TVP23B: variants seen among roughly 807,000 people sequenced by gnomAD.
The protein encoded by TVP23B is Golgi apparatus membrane protein TVP23 homolog B.
TVP23B carries 10 observed loss-of-function variants against 30.6 expected under a neutral mutation model. The ratio of observed to expected loss-of-function variants is 0.33; its 90% CI spans 0.20 to 0.55. TVP23B has a LOEUF of 0.55. TVP23B is among the 20% of genes least tolerant of loss of function. TVP23B has a pLI of 0.91. For synonymous variants in TVP23B, 67 were observed against 83.1 expected, an observed-to-expected ratio of 0.81 and a Z score of 1.06; for missense variants, 153 against 243.2, an observed-to-expected ratio of 0.63 and a Z score of 2.47.
chr17:18,786,957 G>T (rs2035917063), intron 1 of TVP23B, among the ~76,000 whole-genome samples: 1 of 149,388 alleles, frequency 6.7e-6, no homozygotes, highest in African/African-American at 2.5e-5. Flanking sequence ...TTCCTTCCCT[G>T]GCTCCCATTT....
Position 18,791,019 on chromosome 17 carries a change from G to T in TVP23B, c.219G>T (p.Ser73=), listed in dbSNP as rs753835939. ...TGGTGACAATTATCTTGTTGTTGTC[G>T]TGTGACTTTTGGGCAGTGAAGGTAA... ...TCMVTIILLL[S]CDFWAVKNVT... Residue 73 remains serine (S), a synonymous_variant, in exon 3 of 7, where the codon TCG becomes TCT. Coordinates refer to ENST00000307767, the MANE Select transcript of TVP23B (RefSeq NM_016078.6). 2.3e-5 allele frequency: 36 copies of T among 1,598,184 alleles called. No homozygotes were observed. The highest frequency in any genetic ancestry group is 3.0e-5 in the Non-Finnish European group (35 of 1,175,916).
intron 3 of TVP23B, among the ~76,000 whole-genome samples, chr17:18,793,408 C>T (rs2036026633): frequency 6.9e-6 from 1 of 145,232 alleles, no homozygotes; most frequent in African/African-American, 2.6e-5. Flanking sequence ...GAGATCGAGA[C>T]CATCCTGGCT....
At chr17:18,788,116 C>A (rs1434384843) in intron 1 of TVP23B, among the ~76,000 whole-genome samples, 3 of 150,904 alleles carry the variant, frequency 2.0e-5, no homozygotes. Context: ...GCGGCTGGAT[C>A]ACAAGGTCAT....
intron 1 of TVP23B, among the ~76,000 whole-genome samples, chr17:18,783,573 GCTT>G (rs1423583838): frequency 6.6e-6 from 1 of 152,122 alleles, no homozygotes; most frequent in Non-Finnish European, 1.5e-5. Flanking sequence ...TGGTAACGTT[GCTT>G]CTTGTTTCAC....
intron 3 of TVP23B, among the ~76,000 whole-genome samples, chr17:18,792,874 TG>T (rs1411650026): frequency 1.3e-5 from 2 of 152,152 alleles, no homozygotes; most frequent in Non-Finnish European, 2.9e-5. Flanking sequence ...AAAATAGAGA[TG>T]TGTCGTAATT....
chr17:18,803,402 C>T (rs1053364195), intron 5 of TVP23B, among the ~76,000 whole-genome samples: 1 of 152,130 alleles, frequency 6.6e-6, no homozygotes, highest in Non-Finnish European at 1.5e-5. Flanking sequence ...TTTGCTGATC[C>T]CTGTATTAGA....
intron 1 of TVP23B, among the ~76,000 whole-genome samples, chr17:18,785,410 G>A (rs1399627371): frequency 2.3e-4 from 29 of 125,070 alleles, no homozygotes; most frequent in African/African-American, 8.3e-4. Context: ...TTTTAAATCT[G>A]TACCACTTAC....
rs1597626280 is a variant in TVP23B, at chr17:18,805,739, T to C, written c.*172T>C. 1 of 1,438,512 alleles carries C rather than the reference T, an allele frequency of 7.0e-7. No individual in the cohort carries two copies. Among genetic ancestry groups the C allele is most frequent in the Non-Finnish European group, 9.1e-7 (1 of 1,097,302 alleles). 89.1% of individuals were successfully genotyped at this position (1,438,512 alleles called of 1,614,324 possible). ...TTTTCATATTAAGTTTTTATTTCCT[T>C]TCCAGCAGTTGGGGCTAGAAAGTAT... On this transcript the variant is annotated 3_prime_UTR_variant, in exon 7 of 7. Transcript: ENST00000307767.
chr17:18,805,233 C>T (rs535809843), intron 6 of TVP23B, among the ~76,000 whole-genome samples: 12 of 151,742 alleles, frequency 7.9e-5, no homozygotes, highest in South Asian at 4.2e-4. Flanking sequence ...GGACTACAGG[C>T]GCCGCCACCA....
chr17:18,790,883 T>A lies in TVP23B; in HGVS notation c.96-13T>A, dbSNP rs1264444821. 1 of 1,603,148 alleles carries A rather than the reference T, an allele frequency of 6.2e-7. No individual in the cohort carries two copies. Among genetic ancestry groups the A allele is most frequent in the Non-Finnish European group, 8.5e-7 (1 of 1,177,122 alleles). On this transcript the variant is annotated splice_polypyrimidine_tract_variant and intron_variant, in intron 2 of 6. Coordinates refer to ENST00000307767, the MANE Select transcript of TVP23B (RefSeq NM_016078.6). ...ATGTAATTGCATTTCTTTCATTGTG[T>A]TTTGGTTTTCAGACATCCAGTAGCA... is the stretch of plus-strand genomic sequence containing the variant.
At position 18,802,091 on chromosome 17, in the gene TVP23B, A is replaced by G. The variant is rs577066688; in HGVS notation, c.463-2047A>G. On this transcript the variant is annotated intron_variant, in intron 5 of 6. Transcript: ENST00000307767. ...CAAAAAATTAGCCGGGTGTGGTGGC[A>G]GGCACCTGTAGTCCCAGTTACTCGG... Among the ~76,000 whole-genome samples, 219 of 152,166 alleles carry G rather than the reference A, an allele frequency of 1.4e-3. 1 individual carries two copies. Among genetic ancestry groups the G allele is most frequent in the East Asian group, 6.0e-3 (31 of 5,160 alleles).
At chr17:18,801,856 A>G (rs952280425) in intron 5 of TVP23B, among the ~76,000 whole-genome samples, 2 of 152,186 alleles carry the variant, frequency 1.3e-5, no homozygotes, top group African/African-American at 4.8e-5. Flanking sequence ...TTTATATCCT[A>G]CTGCTCAAGG....
At chr17:18,784,929 T>C (rs1191191392) in intron 1 of TVP23B, among the ~76,000 whole-genome samples, 1 of 152,236 alleles carries the variant, frequency 6.6e-6, no homozygotes, top group African/African-American at 2.4e-5. Context: ...GAATCTTCCT[T>C]GATTCCTTTT....
chr17:18,791,666 C>T (rs1046420035), intron 3 of TVP23B, among the ~76,000 whole-genome samples: 32 of 151,770 alleles, frequency 2.1e-4, no homozygotes, highest in South Asian at 4.2e-4. Flanking sequence ...GGCCCCTCTG[C>T]AACAAAGAAC....
chr17:18,788,574 G>A (rs1433596022), intron 1 of TVP23B, among the ~76,000 whole-genome samples: 1 of 151,972 alleles, frequency 6.6e-6, no homozygotes, highest in Non-Finnish European at 1.5e-5. Context: ...CTGAGGTCAG[G>A]AGTTCAAGAC....
At chr17:18,786,230 C>T (rs920382747) in intron 1 of TVP23B, among the ~76,000 whole-genome samples, 1 of 151,968 alleles carries the variant, frequency 6.6e-6, no homozygotes, top group Admixed American at 6.6e-5. Flanking sequence ...TTAACTTAAT[C>T]TCATCTGTGA....
chr17:18,784,839 T>G (rs1218341659), intron 1 of TVP23B, among the ~76,000 whole-genome samples: 2 of 152,182 alleles, frequency 1.3e-5, no homozygotes, highest in African/African-American at 4.8e-5. Flanking sequence ...CTTCTTATCT[T>G]TGTGATCTCT....
At chr17:18,799,598 T>C (rs562356843) in intron 5 of TVP23B, among the ~76,000 whole-genome samples, 2 of 152,310 alleles carry the variant, frequency 1.3e-5, no homozygotes, top group East Asian at 3.9e-4. Context: ...CTGCTCTTGA[T>C]AAGGAATAAG....
At chr17:18,781,396 G>T in intron 1 of TVP23B, 91 bp downstream of exon 1, 1 of 1,530,416 alleles carries the variant, frequency 6.5e-7, no homozygotes, top group Non-Finnish European at 8.8e-7. Context: ...CCCCGCGCCC[G>T]CTACTCGAAC....
Sources: gnomAD v4.1 joint callset for allele counts (sites outside exome capture counted in the v4.1 genomes callset) on GRCh38, gnomAD v4.1.1 for gene constraint, MANE v1.5 for transcripts, NCBI Gene and HGNC (gene_info 2026-07-23, HGNC 2026-07-21) for gene names.